Variants in PARVA observed in about 807,000 individuals in gnomAD.
The protein encoded by PARVA is parvin alpha, also known as alpha-parvin.
PARVA carries 25 observed loss-of-function variants against 52.6 expected under a neutral mutation model. The ratio of observed to expected loss-of-function variants is 0.48; its 90% CI spans 0.35 to 0.66. The LOEUF (loss-of-function observed/expected upper bound fraction) is 0.66. Ranked by LOEUF, PARVA falls within the 30% of genes least tolerant of loss-of-function variation. The probability of loss-of-function intolerance (pLI) is 0.01; values close to 1 mark genes in which losing one functional copy is unlikely to be tolerated. For missense variants in PARVA, 373 were observed against 450.9 expected, an observed-to-expected ratio of 0.83 and a Z score of 1.56; for synonymous variants, 185 against 179.1, an observed-to-expected ratio of 1.03 and a Z score of -0.26.
chr11:12,383,307 T>C (rs141911703), intron 1 of PARVA, among the ~76,000 whole-genome samples: 17 of 152,340 alleles, frequency 1.1e-4, no homozygotes, highest in African/African-American at 4.1e-4. Flanking sequence ...TCTGAAACTG[T>C]CCTCAAGACG....
chr11:12,517,119 C>T (rs576258780), intron 10 of PARVA, among the ~76,000 whole-genome samples: 1 of 152,210 alleles, frequency 6.6e-6, no homozygotes, highest in South Asian at 2.1e-4. Flanking sequence ...TCCTGCTCAT[C>T]CTCAGCTCTC....
intron 4 of PARVA, among the ~76,000 whole-genome samples, chr11:12,490,733 A>G (rs1412860339): frequency 1.3e-5 from 2 of 152,346 alleles, no homozygotes; most frequent in East Asian, 1.9e-4. Context: ...AATAATCACA[A>G]TAATGTCTAA....
chr11:12,473,380 CCAGACAGGAAGTCCTGGAAGATGGGA>C (rs1233872735), intron 1 of PARVA, among the ~76,000 whole-genome samples: 9 of 152,148 alleles, frequency 5.9e-5, no homozygotes, highest in Admixed American at 6.5e-5. Context: ...TCGCCGGGCA[CCAGACAGGAAGTCCTGGAAGATGGGA>C]CAGGCAGGAG....
At chr11:12,393,400 TAGCTGCTGTAACAGATA>T (rs554443493) in intron 1 of PARVA, among the ~76,000 whole-genome samples, 138 of 152,296 alleles carry the variant, frequency 9.1e-4, no homozygotes, top group African/African-American at 3.2e-3. Flanking sequence ...AAGATAACAT[TAGCTGCTGTAACAGATA>T]AGCCCCAAGT....
chr11:12,475,117 C>T (rs936122920), intron 3 of PARVA, among the ~76,000 whole-genome samples: 1 of 152,206 alleles, frequency 6.6e-6, no homozygotes, highest in Non-Finnish European at 1.5e-5. Flanking sequence ...GCTGCCTCTT[C>T]AACCTGAGAT....
In PARVA at chr11:12,444,538, G is replaced by C. The variant is rs150634876; in HGVS notation, c.137-29207G>C. Among the ~76,000 whole-genome samples, 171 of 152,168 alleles carry C rather than the reference G, an allele frequency of 1.1e-3. 1 individual carries two copies. In the East Asian group the frequency reaches 0.031, roughly 28 times the overall value. On this transcript the variant is annotated intron_variant, in intron 1 of 12. Transcript: ENST00000334956. ...AAACTCGCTGCAGCCTGGAACTCCTGGGTTCAAGTGATCTGCTCACCTCAG... is the reference window on the plus strand; with the variant it reads ...AAACTCGCTGCAGCCTGGAACTCCTCGGTTCAAGTGATCTGCTCACCTCAG...
chr11:12,379,885 G>A (rs1392372889), intron 1 of PARVA, among the ~76,000 whole-genome samples: 1 of 152,206 alleles, frequency 6.6e-6, no homozygotes, highest in Non-Finnish European at 1.5e-5. Flanking sequence ...CTTCCTTGCA[G>A]CATTCCTGAC....
In PARVA at chr11:12,530,415, A is replaced by T. The variant is rs1941758513; in HGVS notation, c.*2490A>T. The T allele has an allele frequency of 6.6e-6, 1 of 152,224 alleles. No homozygotes were observed. The highest frequency in any genetic ancestry group is 1.5e-5 in the Non-Finnish European group (1 of 68,040). 9.4% of individuals were successfully genotyped at this position (152,224 alleles called of 1,614,324 possible). A position where few individuals can be genotyped will look rare whatever the true frequency, so the allele number is the denominator to read the frequency against. On this transcript the variant is annotated 3_prime_UTR_variant, in exon 13 of 13. Transcript: ENST00000334956. ...AAAAGAAAAAAGAAACCAAAATGAG[A>T]ATCAACACTTCATAGGCTCACTGGG...
chr11:12,505,519 G>A (rs556741803), intron 6 of PARVA, among the ~76,000 whole-genome samples: 1 of 152,190 alleles, frequency 6.6e-6, no homozygotes, highest in Non-Finnish European at 1.5e-5. Flanking sequence ...TAAGCATTAA[G>A]AAGGTATAAC....
At chr11:12,518,577 T>A in intron 12 of PARVA, 60 bp downstream of exon 12, 1 of 1,229,808 alleles carries the variant, frequency 8.1e-7, no homozygotes, top group Non-Finnish European at 1.2e-6. Flanking sequence ...TGCACATGAG[T>A]ACTCAGATTT....
chr11:12,390,533 G>A (rs1210468544), intron 1 of PARVA, among the ~76,000 whole-genome samples: 1 of 152,168 alleles, frequency 6.6e-6, no homozygotes, highest in East Asian at 1.9e-4. Context: ...GCAGAATGTA[G>A]CAGGCAGGTT....
At chr11:12,460,634 C>T (rs1940763872) in intron 1 of PARVA, among the ~76,000 whole-genome samples, 1 of 152,086 alleles carries the variant, frequency 6.6e-6, no homozygotes, top group Admixed American at 6.5e-5. Flanking sequence ...GCTTACTAGC[C>T]CCACTGAGAG....
chr11:12,421,246 C>T (rs1940145302), intron 1 of PARVA, among the ~76,000 whole-genome samples: 1 of 152,066 alleles, frequency 6.6e-6, no homozygotes, highest in Admixed American at 6.5e-5. Context: ...AGAAATATCT[C>T]TGCCCAAAAC....
At chr11:12,400,794 GC>G (rs1237693664) in intron 1 of PARVA, among the ~76,000 whole-genome samples, 7 of 152,180 alleles carry the variant, frequency 4.6e-5, no homozygotes, top group Non-Finnish European at 1.0e-4. Context: ...TATAGGGAAA[GC>G]AAGAAGAATA....
chr11:12,513,872 C>A, intron 9 of PARVA, 125 bp from the exon 10 acceptor site: 2 of 826,106 alleles, frequency 2.4e-6, no homozygotes, highest in Non-Finnish European at 3.9e-6. Context: ...GGGCCCAGGG[C>A]TCTTGGCTGG....
At chr11:12,444,802 G>A (rs568141367) in intron 1 of PARVA, among the ~76,000 whole-genome samples, 5 of 152,290 alleles carry the variant, frequency 3.3e-5, no homozygotes, top group East Asian at 1.9e-4. Flanking sequence ...AGACCTCAGC[G>A]TTGGCCCTAG....
At chr11:12,441,724 C>T (rs1251624372) in intron 1 of PARVA, among the ~76,000 whole-genome samples, 1 of 152,118 alleles carries the variant, frequency 6.6e-6, no homozygotes, top group African/African-American at 2.4e-5. Flanking sequence ...AGAGAGAGGT[C>T]ACCAACCAAA....
At chr11:12,487,715 T>G (rs1475512869) in intron 4 of PARVA, among the ~76,000 whole-genome samples, 1 of 152,208 alleles carries the variant, frequency 6.6e-6, no homozygotes, top group Non-Finnish European at 1.5e-5. Context: ...ACTCAAAAGT[T>G]AGATGAAAGT....
intron 4 of PARVA, among the ~76,000 whole-genome samples, chr11:12,495,696 A>G (rs1941290478): frequency 6.6e-6 from 1 of 152,224 alleles, no homozygotes; most frequent in African/African-American, 2.4e-5. Context: ...CATTATATAA[A>G]AACCACTCAG....
Sources: gnomAD v4.1 joint callset for allele counts (sites outside exome capture counted in the v4.1 genomes callset) on GRCh38, gnomAD v4.1.1 for gene constraint, MANE v1.5 for transcripts, NCBI Gene and HGNC (gene_info 2026-07-23, HGNC 2026-07-21) for gene names.